The following UBAP2L variants were observed in gnomAD, a reference collection of about 807,000 sequenced individuals.
UBAP2L encodes the protein ubiquitin-associated protein 2-like.
In UBAP2L, 12 loss-of-function variants were observed where a neutral mutation model predicts 130.6. The observed-to-expected ratio is 0.09, with a 90% CI of 0.06 to 0.15. The LOEUF is 0.15. UBAP2L is among the 10% of genes least tolerant of loss of function. The probability of loss-of-function intolerance (pLI) is 1.00; values close to 1 mark genes in which losing one functional copy is unlikely to be tolerated. For missense variants in UBAP2L, 965 were observed against 1,332.5 expected (o/e 0.72, Z 4.29); for synonymous variants, 503 against 524.7 (o/e 0.96, Z 0.57).
At chr1:154,236,758 C>T (rs890166224) in intron 7 of UBAP2L, 147 bp downstream of exon 7, 2 of 788,430 alleles carry the variant, frequency 2.5e-6, no homozygotes, top group African/African-American at 3.5e-5. Flanking sequence ...ACCTTTACCA[C>T]CTGGATCATT....
downstream of UBAP2L, chr1:154,271,232 CTT>C: frequency 3.0e-6 from 1 of 332,480 alleles, no homozygotes; most frequent in Non-Finnish European, 5.6e-6. Context: ...AAAAAAAATG[CTT>C]TATAGAGTTT....
chr1:154,239,761 A>T (rs1473301478), intron 8 of UBAP2L, among the ~76,000 whole-genome samples: 1 of 152,264 alleles, frequency 6.6e-6, no homozygotes, highest in Non-Finnish European at 1.5e-5. Context: ...AGGATTGTGT[A>T]TAAGTGCTAA....
At chr1:154,240,437 A>G (rs1489704205) in intron 8 of UBAP2L, among the ~76,000 whole-genome samples, 2 of 152,172 alleles carry the variant, frequency 1.3e-5, no homozygotes, top group African/African-American at 4.8e-5. Context: ...AAACACAAGG[A>G]CAGTGTATAC....
intron 1 of UBAP2L, among the ~76,000 whole-genome samples, chr1:154,224,837 C>G (rs1157624724): frequency 1.3e-5 from 2 of 152,182 alleles, no homozygotes. Flanking sequence ...AGTAACCAAA[C>G]TGCTGTAACT....
At chr1:154,248,259 A>G (rs1276570215) in intron 11 of UBAP2L, among the ~76,000 whole-genome samples, 10 of 152,124 alleles carry the variant, frequency 6.6e-5, no homozygotes, top group Admixed American at 6.6e-4. Flanking sequence ...GAGCCACCGC[A>G]TTCGGCCCAG....
chr1:154,254,188 A>G (rs1678840529), intron 15 of UBAP2L, 99 bp downstream of exon 15: 4 of 1,132,934 alleles, frequency 3.5e-6, no homozygotes, highest in Non-Finnish European at 4.8e-6. Context: ...GTGCTAAGAA[A>G]CTTTGGAAGT....
chr1:154,228,810 C>T, intron 4 of UBAP2L, 85 bp downstream of exon 4: 1 of 988,960 alleles, frequency 1.0e-6, no homozygotes, highest in South Asian at 1.6e-5. Context: ...GGCAACATAC[C>T]TTAAAGCAGA....
At chr1:154,261,827 A>G in intron 24 of UBAP2L, 130 bp downstream of exon 24, 2 of 868,204 alleles carry the variant, frequency 2.3e-6, no homozygotes, top group Non-Finnish European at 3.6e-6. Context: ...ATGATTGTTA[A>G]TGCTTGGCTG....
At position 154,257,051 on chromosome 1, in the gene UBAP2L, C is replaced by G. The variant is rs1301323950; in HGVS notation, c.2158-12C>G. On this transcript the variant is annotated splice_polypyrimidine_tract_variant and intron_variant, in intron 18 of 26. Coordinates refer to ENST00000428931, the MANE Select transcript of UBAP2L (RefSeq NM_014847.4). ...TTTCTTCTTCTCTCTTCCACTGCTC[C>G]CCCTTTTGAAGCACACAAGTGTGGA... 1.2e-6 allele frequency: 2 copies of G among 1,610,026 alleles called. No homozygotes were observed. The highest frequency in any genetic ancestry group is 1.7e-6 in the Non-Finnish European group (2 of 1,178,286).
At chr1:154,228,831 C>T (rs1668835507) in intron 4 of UBAP2L, 106 bp downstream of exon 4, 1 of 751,520 alleles carries the variant, frequency 1.3e-6, no homozygotes, top group Non-Finnish European at 2.1e-6. Context: ...GCACCTTTTT[C>T]TTGAAGTAAA....
rs1246942662 is a variant in UBAP2L, at chr1:154,269,975, T to C, written c.3169-225T>C. ...TCACTCACTACCTTGTCTCTAAAGG[T>C]ATCTTGCCCTCTTCATCTTTTCCCT... On this transcript the variant is annotated intron_variant, in intron 26 of 26. Transcript: ENST00000428931. Among the ~76,000 whole-genome samples the C allele has an allele frequency of 2.6e-5, 4 of 152,160 alleles. 1 individual carries two copies. The highest frequency in any genetic ancestry group is 7.2e-5 in the African/African-American group (3 of 41,422).
intron 11 of UBAP2L, among the ~76,000 whole-genome samples, chr1:154,247,070 A>G (rs765461776): frequency 1.7e-4 from 26 of 152,238 alleles, no homozygotes; most frequent in Non-Finnish European, 3.4e-4. Context: ...TCTCATAGTC[A>G]TTGAGTCCTG....
Position 154,251,205 on chromosome 1 carries a change from T to C in UBAP2L, c.1378T>C (p.Ser460Pro), listed in dbSNP as rs1402855292. Residue 460 changes from serine to proline, a missense_variant, in exon 13 of 27, where the codon TCC becomes CCC. Ser to Pro is a moderately conservative substitution (Grantham distance 74). This residue lies in a region of UBAP2L where 74 missense variants were observed against 97.1 expected (regional missense o/e 0.76). Transcript: ENST00000428931. ...TCCGTCTTCTCCTCTGCCAAGCAAA[T>C]CCACATCGGCTCCACAGATGTCGCC... The part of the protein sequence containing the change: ...PPPSSPLPSK[S>P]TSAPQMSPGS... 1 of 1,614,108 alleles carries C rather than the reference T, an allele frequency of 6.2e-7. No individual in the cohort carries two copies. The highest frequency in any genetic ancestry group is 2.2e-5 in the East Asian group (1 of 44,854).
intron 12 of UBAP2L, among the ~76,000 whole-genome samples, chr1:154,250,779 G>A (rs981662820): frequency 6.0e-5 from 9 of 151,066 alleles, no homozygotes; most frequent in Admixed American, 4.0e-4. Context: ...CCCAGGAGTC[G>A]GATGTTGAAG....
At chr1:154,252,070 T>A (rs1173526653) in intron 14 of UBAP2L, among the ~76,000 whole-genome samples, 1 of 151,698 alleles carries the variant, frequency 6.6e-6, no homozygotes, top group Admixed American at 6.6e-5. Context: ...GCCACCCGGG[T>A]TCAAGCGATT....
intron 12 of UBAP2L, 85 bp from the exon 13 acceptor site, chr1:154,250,956 C>T: frequency 1.4e-6 from 2 of 1,421,098 alleles, no homozygotes; most frequent in Non-Finnish European, 1.9e-6. Flanking sequence ...TTACAGTCCT[C>T]ATTCATGGTG....
chr1:154,221,872 T>G (rs1473721586), intron 1 of UBAP2L, among the ~76,000 whole-genome samples: 1 of 152,226 alleles, frequency 6.6e-6, no homozygotes, highest in African/African-American at 2.4e-5. Flanking sequence ...TATTTACGCT[T>G]AAGGGACGTC....
intron 8 of UBAP2L, among the ~76,000 whole-genome samples, chr1:154,238,350 C>T (rs974475125): frequency 4.6e-5 from 7 of 152,204 alleles, no homozygotes; most frequent in African/African-American, 1.4e-4. Flanking sequence ...GTTCTTCATT[C>T]ATCTCTTGAT....
intron 6 of UBAP2L, 26 bp from the exon 7 acceptor site, chr1:154,236,540 T>C: frequency 6.2e-7 from 1 of 1,613,786 alleles, no homozygotes; most frequent in Non-Finnish European, 8.5e-7. Context: ...TACATCTCTC[T>C]TCTCTTTTTC....
Sources: allele counts gnomAD v4.1 joint callset (sites outside exome capture counted in the v4.1 genomes callset), GRCh38; gene constraint gnomAD v4.1.1; regional missense constraint gnomAD v4.1.1; transcripts MANE v1.5; gene names NCBI Gene and HGNC (gene_info 2026-07-23, HGNC 2026-07-21).